Variants in RPA3 observed in about 807,000 individuals in gnomAD.
RPA3 encodes replication protein A 14 kDa subunit.
RPA3 carries 24 observed loss-of-function variants against 13.7 expected under a neutral mutation model. The ratio of observed to expected loss-of-function variants is 1.75; its 90% CI spans 1.27 to 2.46. The LOEUF (loss-of-function observed/expected upper bound fraction) is 2.46. Ranked by LOEUF, RPA3 falls within the 30% of genes most tolerant of loss-of-function variation. The pLI, the probability that RPA3 is intolerant of heterozygous loss-of-function variation, is 0.00. For missense variants in RPA3, 183 were observed against 151.0 expected (o/e 1.21, Z -1.11); for synonymous variants, 59 against 51.2 (o/e 1.15, Z -0.65).
At chr7:7,674,805 C>T (rs1253316218) in intron 4 of RPA3, among the ~76,000 whole-genome samples, 4 of 152,136 alleles carry the variant, frequency 2.6e-5, no homozygotes, top group South Asian at 2.1e-4. Context: ...GAATTAGCCT[C>T]GCTAACAGAA....
intron 2 of RPA3, among the ~76,000 whole-genome samples, chr7:7,688,812 C>A (rs1780100583): frequency 6.6e-6 from 1 of 152,088 alleles, no homozygotes; most frequent in Non-Finnish European, 1.5e-5. Context: ...AAAGCTGATC[C>A]TCAGTCTGTA....
At chr7:7,699,101 T>C (rs1780393313) in intron 2 of RPA3, among the ~76,000 whole-genome samples, 1 of 151,894 alleles carries the variant, frequency 6.6e-6, no homozygotes, top group Non-Finnish European at 1.5e-5. Flanking sequence ...GATCTTTGCC[T>C]GCCTTGGCTT....
In RPA3 at chr7:7,640,645, C is replaced by T; in HGVS notation, c.-227G>A. 1.9e-6 allele frequency: 1 copy of T among 537,562 alleles called. No homozygotes were observed. Among genetic ancestry groups the T allele is most frequent in the Non-Finnish European group, 3.3e-6 (1 of 301,062 alleles). 33.3% of individuals were successfully genotyped at this position (537,562 alleles called of 1,614,324 possible). On this transcript the variant is annotated 5_prime_UTR_variant, in exon 5 of 8. Coordinates refer to ENST00000223129, the MANE Select transcript of RPA3 (RefSeq NM_002947.5). ...TGGAGATTGGCTGCTTAGTGACGCG[C>T]GGCGTCCCGGAAGTTGACAGATACA...
intron 4 of RPA3, among the ~76,000 whole-genome samples, chr7:7,653,589 C>T (rs1372172925): frequency 6.6e-6 from 1 of 152,182 alleles, no homozygotes; most frequent in African/African-American, 2.4e-5. Context: ...AGAGGAGTTA[C>T]AACACATTTT....
At chr7:7,676,483 G>T (rs931970032) in intron 4 of RPA3, among the ~76,000 whole-genome samples, 2 of 152,020 alleles carry the variant, frequency 1.3e-5, no homozygotes, top group Non-Finnish European at 2.9e-5. Flanking sequence ...CCATCTTTTT[G>T]TAAAAAAAGT....
chr7:7,711,254 A>G (rs1187789794), intron 2 of RPA3, among the ~76,000 whole-genome samples: 1 of 152,218 alleles, frequency 6.6e-6, no homozygotes, highest in Non-Finnish European at 1.5e-5. Context: ...TGAATCTAGA[A>G]TTATCTGAAA....
chr7:7,639,790 T>C (rs1241271304), intron 5 of RPA3: 3 of 160,186 alleles, frequency 1.9e-5, no homozygotes, highest in South Asian at 3.1e-4. Context: ...AGGTCACTGA[T>C]TCCAAGACTT....
At chr7:7,698,870 C>CTTTTT (rs57968079) in intron 2 of RPA3, among the ~76,000 whole-genome samples, 8 of 131,956 alleles carry the variant, frequency 6.1e-5, no homozygotes, top group South Asian at 2.4e-4. Context: ...ACCCTCTTGT[C>CTTTTT]TTTTTTTTTT....
At chr7:7,697,060 C>CGACA (rs777853299) in intron 2 of RPA3, among the ~76,000 whole-genome samples, 37 of 152,236 alleles carry the variant, frequency 2.4e-4, no homozygotes, top group Non-Finnish European at 5.0e-4. Flanking sequence ...TCAGCAGGAA[C>CGACA]GGTCTTGTGG....
Position 7,684,887 on chromosome 7 carries a change from G to A in RPA3, c.-758+943C>T, listed in dbSNP as rs559144559. Among the ~76,000 whole-genome samples the A allele has an allele frequency of 3.6e-4, 55 of 152,198 alleles. No homozygotes were observed. The South Asian group carries it at 0.011, about 32-fold the overall frequency. On this transcript the variant is annotated intron_variant, in intron 4 of 7. Transcript: ENST00000223129. ...TCACTATGGTACTATTTCCTTGAAG[G>A]GTGCTTATTCCATACAACATCTGTA... is the stretch of plus-strand genomic sequence containing the variant.
At chr7:7,677,887 A>G (rs1015767508) in intron 4 of RPA3, among the ~76,000 whole-genome samples, 108 of 151,146 alleles carry the variant, frequency 7.1e-4, no homozygotes, top group Admixed American at 1.4e-3. Context: ...TTTAGCCGGG[A>G]TGGTCTCGAT....
intron 4 of RPA3, among the ~76,000 whole-genome samples, chr7:7,646,989 C>T (rs574971480): frequency 6.6e-6 from 1 of 152,280 alleles, no homozygotes; most frequent in Admixed American, 6.5e-5. Context: ...AGGGACCCCA[C>T]CCTTCTGCCG....
intron 4 of RPA3, among the ~76,000 whole-genome samples, chr7:7,674,400 C>G (rs528437728): frequency 2.2e-4 from 34 of 152,252 alleles, no homozygotes; most frequent in African/African-American, 8.2e-4. Flanking sequence ...TCTGTGAGAC[C>G]AGAATAGAGT....
At chr7:7,663,851 A>C (rs574701489) in intron 4 of RPA3, among the ~76,000 whole-genome samples, 6 of 152,340 alleles carry the variant, frequency 3.9e-5, no homozygotes, top group African/African-American at 1.4e-4. Context: ...CTGATCTCCT[A>C]TTCCTACAGA....
At chr7:7,709,900 T>G (rs931861182) in intron 2 of RPA3, among the ~76,000 whole-genome samples, 4 of 152,208 alleles carry the variant, frequency 2.6e-5, no homozygotes, top group South Asian at 4.1e-4. Flanking sequence ...CTAAGTCTTC[T>G]CCTTACTCCC....
intron 4 of RPA3, among the ~76,000 whole-genome samples, chr7:7,685,471 A>G (rs1211074777): frequency 6.6e-6 from 1 of 151,960 alleles, no homozygotes; most frequent in Non-Finnish European, 1.5e-5. Context: ...CACCACGCCC[A>G]CCAAGTTTTG....
intron 2 of RPA3, among the ~76,000 whole-genome samples, chr7:7,690,355 A>C (rs1280691786): frequency 1.3e-5 from 2 of 152,138 alleles, no homozygotes; most frequent in South Asian, 4.1e-4. Context: ...CCAAATTTCT[A>C]GTTACAAAAT....
intron 4 of RPA3, among the ~76,000 whole-genome samples, chr7:7,678,828 C>T (rs185043735): frequency 0.078 from 1,481 of 19,108 alleles, 592 homozygotes; most frequent in African/African-American, 0.26. Flanking sequence ...AGTTTATAAA[C>T]ATATATTTAT....
At chr7:7,704,228 TA>T (rs1780538345) in intron 2 of RPA3, among the ~76,000 whole-genome samples, 1 of 152,222 alleles carries the variant, frequency 6.6e-6, no homozygotes, top group Non-Finnish European at 1.5e-5. Context: ...CTACTCTTTT[TA>T]CTACCTTTCT....
Sources: allele counts gnomAD v4.1 joint callset (sites outside exome capture counted in the v4.1 genomes callset), GRCh38; gene constraint gnomAD v4.1.1; transcripts MANE v1.5; gene names NCBI Gene and HGNC (gene_info 2026-07-23, HGNC 2026-07-21).